NCKAP5: variants seen among roughly 807,000 people sequenced by gnomAD.
The protein encoded by NCKAP5 is NCK associated protein 5.
NCKAP5 carries 92 observed loss-of-function variants against 167.0 expected under a neutral mutation model. That is an observed-to-expected ratio of 0.55 (90% confidence interval 0.47 to 0.66). The LOEUF (loss-of-function observed/expected upper bound fraction) is 0.66. NCKAP5 is among the 30% of genes least tolerant of loss of function. NCKAP5 has a pLI of 0.00. For missense variants in NCKAP5, 2,378 were observed against 2,315.0 expected (o/e 1.03, Z -0.56); for synonymous variants, 891 against 877.4 (o/e 1.02, Z -0.27).
At chr2:132,689,629 G>A (rs1353278591) in intron 19 of NCKAP5, among the ~76,000 whole-genome samples, 2 of 152,222 alleles carry the variant, frequency 1.3e-5, no homozygotes, top group South Asian at 4.1e-4. Context: ...CCCACAGCAG[G>A]CATTGCTTAT....
At chr2:132,856,088 C>T (rs182627646) in intron 11 of NCKAP5, among the ~76,000 whole-genome samples, 2 of 152,146 alleles carry the variant, frequency 1.3e-5, no homozygotes, top group Non-Finnish European at 2.9e-5. Context: ...GGCGTGAACC[C>T]GGGAGGCAAA....
At chr2:133,561,753 A>G (rs1688173813) in intron 1 of NCKAP5, among the ~76,000 whole-genome samples, 1 of 152,242 alleles carries the variant, frequency 6.6e-6, no homozygotes, top group Admixed American at 6.5e-5. Flanking sequence ...GAACATGGTG[A>G]CTTGAGAATA....
chr2:133,256,724 T>C (rs950589459), intron 4 of NCKAP5, among the ~76,000 whole-genome samples: 1 of 152,130 alleles, frequency 6.6e-6, no homozygotes, highest in Admixed American at 6.5e-5. Flanking sequence ...ATGGAAGAAA[T>C]GTACAGTCAA....
intron 6 of NCKAP5, among the ~76,000 whole-genome samples, chr2:133,084,053 CAGAAAACGG>C (rs951129425): frequency 6.6e-5 from 10 of 152,050 alleles, no homozygotes; most frequent in African/African-American, 2.4e-4. Flanking sequence ...TTTCTGAGCA[CAGAAAACGG>C]GGAAGGCATC....
At chr2:132,723,437 C>T (rs1488112623) in intron 19 of NCKAP5, among the ~76,000 whole-genome samples, 1 of 152,120 alleles carries the variant, frequency 6.6e-6, no homozygotes, top group East Asian at 1.9e-4. Context: ...GCTGGGATTA[C>T]AGGCGTGAGC....
chr2:133,141,638 G>A (rs2083001459), intron 5 of NCKAP5, among the ~76,000 whole-genome samples: 1 of 152,198 alleles, frequency 6.6e-6, no homozygotes, highest in Non-Finnish European at 1.5e-5. Flanking sequence ...GAGGACCTCA[G>A]TAATGATTAA....
Position 132,783,062 on chromosome 2 carries a change from G to A in NCKAP5, c.3749C>T (p.Ser1250Phe), listed in dbSNP as rs200977355. The A allele has an allele frequency of 1.3e-4, 211 of 1,613,842 alleles. No homozygotes were observed. In the African/African-American group the frequency reaches 2.5e-3, roughly 19 times the overall value. The change falls in exon 14 of 20, where the codon TCC (serine) becomes TTC (phenylalanine). Residue 1250 changes from serine to phenylalanine, a missense_variant. Physicochemically the swap from Ser to Phe is radical, Grantham distance 155. Coordinates refer to ENST00000409261, the MANE Select transcript of NCKAP5 (RefSeq NM_207363.3). ...GCTGGAGGAAAGGGATCTTCTCATG[G>A]ATCTATTATCTACCCCATCCCTTCC... is the stretch of plus-strand genomic sequence containing the variant. ...SDGRDGVDNR[S>F]MRRSLSSSKP...
intron 3 of NCKAP5, among the ~76,000 whole-genome samples, chr2:133,466,842 A>G (rs1204284603): frequency 6.6e-6 from 1 of 152,038 alleles, no homozygotes; most frequent in Non-Finnish European, 1.5e-5. Flanking sequence ...AATGCTTGTG[A>G]TTTTTGTACA....
intron 8 of NCKAP5, among the ~76,000 whole-genome samples, chr2:132,886,802 T>A (rs1692259077): frequency 6.6e-6 from 1 of 152,162 alleles, no homozygotes. Context: ...AGGTGGAGTA[T>A]CTCTAATCTG....
At chr2:132,716,973 A>G (rs1346564510) in intron 19 of NCKAP5, among the ~76,000 whole-genome samples, 1 of 152,078 alleles carries the variant, frequency 6.6e-6, no homozygotes, top group Non-Finnish European at 1.5e-5. Context: ...ATTGTTTATG[A>G]CACTTCTCCT....
intron 19 of NCKAP5, among the ~76,000 whole-genome samples, chr2:132,682,010 G>C (rs760267490): frequency 2.6e-5 from 4 of 152,204 alleles, no homozygotes; most frequent in Non-Finnish European, 5.9e-5. Context: ...TTTGGGTCAA[G>C]AGCTGGTCAG....
chr2:133,523,683 C>T (rs1481185655), intron 2 of NCKAP5, among the ~76,000 whole-genome samples: 1 of 152,110 alleles, frequency 6.6e-6, no homozygotes, highest in Non-Finnish European at 1.5e-5. Context: ...ACAAACAATG[C>T]AAAATATAAT....
chr2:132,976,094 G>A (rs2076969485), intron 7 of NCKAP5, among the ~76,000 whole-genome samples: 1 of 152,108 alleles, frequency 6.6e-6, no homozygotes, highest in Non-Finnish European at 1.5e-5. Flanking sequence ...GGATGAACCT[G>A]GAGGACATTA....
intron 8 of NCKAP5, among the ~76,000 whole-genome samples, chr2:132,927,772 A>C (rs1400418964): frequency 6.6e-6 from 1 of 152,018 alleles, no homozygotes; most frequent in East Asian, 1.9e-4. Flanking sequence ...GTTTTTGGAG[A>C]CATCGTTAGG....
At chr2:132,777,225 A>T (rs1049928123) in intron 15 of NCKAP5, among the ~76,000 whole-genome samples, 2 of 152,200 alleles carry the variant, frequency 1.3e-5, no homozygotes, top group African/African-American at 4.8e-5. Context: ...TACTCCAAAC[A>T]CCAGTCTGCA....
At chr2:133,362,583 GT>G (rs1685184340) in intron 3 of NCKAP5, among the ~76,000 whole-genome samples, 2 of 152,148 alleles carry the variant, frequency 1.3e-5, no homozygotes, top group South Asian at 4.1e-4. Flanking sequence ...AGAATGCAAT[GT>G]TTTAAAAGAG....
At chr2:133,402,373 A>C (rs943657289) in intron 3 of NCKAP5, among the ~76,000 whole-genome samples, 1 of 152,192 alleles carries the variant, frequency 6.6e-6, no homozygotes, top group Non-Finnish European at 1.5e-5. Flanking sequence ...CTGATAAAGA[A>C]AACTTACTTT....
chr2:132,930,557 C>G (rs931673139), intron 8 of NCKAP5: 4 of 152,184 alleles, frequency 2.6e-5, no homozygotes, highest in African/African-American at 9.7e-5. Context: ...TCCCGGCTCT[C>G]AAGCCTTCAG....
intron 3 of NCKAP5, among the ~76,000 whole-genome samples, chr2:133,412,220 C>T (rs113430192): frequency 2.4e-4 from 36 of 152,258 alleles, no homozygotes; most frequent in Admixed American, 2.6e-4. Flanking sequence ...AGAAAGGGAC[C>T]GCAGAGAGCC....
Sources: allele counts gnomAD v4.1 joint callset (sites outside exome capture counted in the v4.1 genomes callset), GRCh38; gene constraint gnomAD v4.1.1; transcripts MANE v1.5; gene names NCBI Gene and HGNC (gene_info 2026-07-23, HGNC 2026-07-21).